Variants in EFCC1 observed in about 807,000 individuals in gnomAD.
EFCC1 encodes EF-hand and coiled-coil domain-containing protein 1.
A neutral mutation model predicts 52.1 loss-of-function variants in EFCC1; 50 were observed. The observed-to-expected ratio is 0.96, with a 90% CI of 0.76 to 1.21. The LOEUF (loss-of-function observed/expected upper bound fraction) is 1.21, where lower values mean the gene tolerates loss of function less well. Among genes scored for constraint, EFCC1 ranks in the 50% most tolerant of loss-of-function variants. The pLI, the probability that EFCC1 is intolerant of heterozygous loss-of-function variation, is 0.00. For synonymous variants in EFCC1, 399 were observed against 396.5 expected (o/e 1.01, Z -0.08); for missense variants, 837 against 867.3 (o/e 0.97, Z 0.44).
chr3:129,027,392 A>C (rs1482274240), intron 2 of EFCC1, among the ~76,000 whole-genome samples: 1 of 152,100 alleles, frequency 6.6e-6, no homozygotes, highest in Non-Finnish European at 1.5e-5. Flanking sequence ...CGGGCCCTCC[A>C]AGTGCCAAGT....
At chr3:129,022,294 G>A (rs563661616) in intron 2 of EFCC1, among the ~76,000 whole-genome samples, 1 of 152,342 alleles carries the variant, frequency 6.6e-6, no homozygotes, top group East Asian at 1.9e-4. Context: ...AAATGAAATA[G>A]AGGCTCAGAG....
At chr3:129,013,173 G>C (rs1340066339) in intron 2 of EFCC1, among the ~76,000 whole-genome samples, 1 of 152,156 alleles carries the variant, frequency 6.6e-6, no homozygotes, top group African/African-American at 2.4e-5. Context: ...GGACACAAGG[G>C]GGTGGGCATC....
chr3:129,022,454 C>T (rs779679462), intron 2 of EFCC1, among the ~76,000 whole-genome samples: 1 of 152,166 alleles, frequency 6.6e-6, no homozygotes, highest in African/African-American at 2.4e-5. Flanking sequence ...CCAGGAGTGG[C>T]CAGGACAGCG....
intron 2 of EFCC1, among the ~76,000 whole-genome samples, chr3:129,027,430 C>A (rs1308245883): frequency 6.6e-6 from 1 of 152,158 alleles, no homozygotes; most frequent in Non-Finnish European, 1.5e-5. Flanking sequence ...GGCCGGGAGC[C>A]CGCGCCCCTC....
At chr3:129,012,454 T>C (rs1429028946) in intron 2 of EFCC1, among the ~76,000 whole-genome samples, 1 of 152,176 alleles carries the variant, frequency 6.6e-6, no homozygotes, top group African/African-American at 2.4e-5. Context: ...TACTCGCTCC[T>C]GCTCCACATA....
intron 5 of EFCC1, among the ~76,000 whole-genome samples, chr3:129,035,333 A>G (rs949947229): frequency 1.9e-4 from 29 of 152,182 alleles, no homozygotes. Context: ...AAACAGTTTG[A>G]GAGAGGTCAA....
At chr3:129,035,062 G>A (rs1405100668) in intron 5 of EFCC1, among the ~76,000 whole-genome samples, 1 of 152,186 alleles carries the variant, frequency 6.6e-6, no homozygotes, top group African/African-American at 2.4e-5. Flanking sequence ...GTAGCCAAGT[G>A]TGCAATGCTG....
intron 2 of EFCC1, among the ~76,000 whole-genome samples, chr3:129,027,872 T>C (rs920022451): frequency 1.4e-4 from 22 of 152,020 alleles, no homozygotes; most frequent in African/African-American, 4.8e-4. Context: ...GACAATCGCT[T>C]GAACCCAGGA....
At chr3:129,013,523 C>A (rs1342783602) in intron 2 of EFCC1, among the ~76,000 whole-genome samples, 1 of 152,204 alleles carries the variant, frequency 6.6e-6, no homozygotes. Flanking sequence ...ACATTCTTCC[C>A]ATAAGGTAGC....
At chr3:129,019,904 G>T (rs1307001387) in intron 2 of EFCC1, among the ~76,000 whole-genome samples, 1 of 151,698 alleles carries the variant, frequency 6.6e-6, no homozygotes. Flanking sequence ...AAGTAGCTGG[G>T]ACTATAGGTA....
chr3:129,039,903 C>T lies in EFCC1; in HGVS notation c.*55C>T, dbSNP rs935501923. 17 of 1,532,576 alleles carry T rather than the reference C, an allele frequency of 1.1e-5. No individual in the cohort carries two copies. The highest frequency in any genetic ancestry group is 1.5e-5 in the Non-Finnish European group (17 of 1,134,264). 94.9% of individuals were successfully genotyped at this position (1,532,576 alleles called of 1,614,324 possible). On this transcript the variant is annotated 3_prime_UTR_variant, in exon 8 of 8. Coordinates refer to ENST00000683648, the MANE Select transcript of EFCC1 (RefSeq NM_001377500.1). The stretch of plus-strand genomic sequence containing the variant: ...CTCAGCCTGACTGCCTTTGGACCAG[C>T]CTCCATGATCAGCCCAACCACTGAC...
chr3:129,030,924 T>C, intron 3 of EFCC1, 64 bp downstream of exon 3: 1 of 1,479,894 alleles, frequency 6.8e-7, no homozygotes, highest in South Asian at 1.3e-5. Context: ...TGCTCAGCCC[T>C]GCTCTCAAGG....
intron 3 of EFCC1, among the ~76,000 whole-genome samples, chr3:129,031,483 G>C (rs551168813): frequency 1.2e-4 from 19 of 152,268 alleles, no homozygotes; most frequent in Non-Finnish European, 2.1e-4. Flanking sequence ...GCCCACCCCG[G>C]ATCTCTGCAT....
At position 129,002,294 on chromosome 3, in the gene EFCC1, G is replaced by A. The variant is rs57803238; in HGVS notation, c.666G>A (p.Gln222=). 0.014 allele frequency: 21,968 copies of A among 1,526,802 alleles called. 985 individuals are homozygous for A. The highest frequency in any genetic ancestry group is 0.11 in the African/African-American group (7,701 of 71,654). The allele number at this position is 1,526,802 out of a possible 1,614,324, so 94.6% of individuals were successfully genotyped here. A position where few individuals can be genotyped will look rare whatever the true frequency, so the allele number is the denominator to read the frequency against. ...TGGAGGACCTGCGCGCCGCGCTGCA[G>A]AGCAGTGATGCGCGCTGCCTAGCAC... is the stretch of plus-strand genomic sequence containing the variant. ...ELVEDLRAAL[Q]SSDARCLALQ... The change falls in exon 1 of 8, where the codon CAG becomes CAA. Residue 222 remains glutamine (Q), a synonymous_variant. Coordinates refer to ENST00000683648, the MANE Select transcript of EFCC1 (RefSeq NM_001377500.1).
In EFCC1 at chr3:129,039,971, G is replaced by C. The variant is rs1343465744; in HGVS notation, c.*123G>C. 5.3e-6 allele frequency: 7 copies of C among 1,326,602 alleles called. No individual in the cohort carries two copies. The highest frequency in any genetic ancestry group is 2.8e-5 in the East Asian group (1 of 35,644). 82.2% of individuals were successfully genotyped at this position (1,326,602 alleles called of 1,614,324 possible). A position where few individuals can be genotyped will look rare whatever the true frequency, so the allele number is the denominator to read the frequency against. On this transcript the variant is annotated 3_prime_UTR_variant, in exon 8 of 8. Coordinates refer to ENST00000683648, the MANE Select transcript of EFCC1 (RefSeq NM_001377500.1). ...TCACATCATCAGAACTTGAGTCTCT[G>C]CTGGCTCCTTCCAAGGTTAAGCCCG...
intron 5 of EFCC1, among the ~76,000 whole-genome samples, chr3:129,035,790 G>A (rs1320991253): frequency 2.0e-5 from 3 of 152,114 alleles, no homozygotes; most frequent in Admixed American, 6.5e-5. Flanking sequence ...CCAGACTGCC[G>A]GGATTCAAAT....
In EFCC1 at chr3:129,005,090, T is replaced by C. The variant is rs990225410; in HGVS notation, c.980+1013T>C. ...CTGCTGGCCGGCCTGACTACACATTTGCTGAGCACTTTCTGTGTGCCAGGG... is the reference window on the plus strand; with the variant it reads ...CTGCTGGCCGGCCTGACTACACATTCGCTGAGCACTTTCTGTGTGCCAGGG... On this transcript the variant is annotated intron_variant, in intron 2 of 7. Coordinates refer to ENST00000683648, the MANE Select transcript of EFCC1 (RefSeq NM_001377500.1). 3.3e-5 allele frequency among the ~76,000 whole-genome samples: 5 copies of C among 152,348 alleles called. No homozygotes were observed. In the South Asian group the frequency reaches 1.0e-3, roughly 32 times the overall value.
intron 2 of EFCC1, among the ~76,000 whole-genome samples, chr3:129,011,329 T>C (rs188387685): frequency 2.6e-5 from 4 of 152,250 alleles, no homozygotes; most frequent in Non-Finnish European, 4.4e-5. Context: ...AGTGGGTGGA[T>C]CACCTGAGGT....
intron 5 of EFCC1, 90 bp from the exon 6 acceptor site, chr3:129,036,886 AC>A: frequency 6.3e-7 from 1 of 1,590,016 alleles, no homozygotes; most frequent in Non-Finnish European, 8.5e-7. Flanking sequence ...GGGCCTCAGC[AC>A]CAGCCTCGGG....
Sources: allele counts gnomAD v4.1 joint callset (sites outside exome capture counted in the v4.1 genomes callset), GRCh38; gene constraint gnomAD v4.1.1; transcripts MANE v1.5; gene names NCBI Gene and HGNC (gene_info 2026-07-23, HGNC 2026-07-21).